OPCML: variants seen among roughly 807,000 people sequenced by gnomAD.
OPCML encodes opioid-binding protein/cell adhesion molecule.
In OPCML, 13 loss-of-function variants were observed where a neutral mutation model predicts 37.8. That is an observed-to-expected ratio of 0.34 (90% CI 0.22 to 0.55). OPCML has a LOEUF of 0.55. Among genes scored for constraint, OPCML ranks in the 20% least tolerant of loss-of-function variants. OPCML has a pLI of 0.91. For synonymous variants in OPCML, 176 were observed against 168.8 expected (o/e 1.04, Z -0.33); for missense variants, 341 against 435.6 (o/e 0.78, Z 1.93).
At chr11:132,541,624 C>T (rs573512284) in intron 3 of OPCML, among the ~76,000 whole-genome samples, 1 of 151,894 alleles carries the variant, frequency 6.6e-6, no homozygotes, top group Non-Finnish European at 1.5e-5. Flanking sequence ...TTATGGAAAC[C>T]CTACATGGCA....
chr11:133,127,469 CA>C, intron 1 of OPCML, among the ~76,000 whole-genome samples: 1 of 151,696 alleles, frequency 6.6e-6, no homozygotes. Flanking sequence ...CCTGTCTCTA[CA>C]AAAAATACAA....
intron 1 of OPCML, among the ~76,000 whole-genome samples, chr11:133,169,832 T>C (rs886503237): frequency 2.6e-5 from 4 of 152,164 alleles, no homozygotes; most frequent in African/African-American, 9.6e-5. Context: ...TATATGTAAT[T>C]TGGGAAAAAA....
At chr11:133,332,964 C>A (rs1943654297) in intron 1 of OPCML, among the ~76,000 whole-genome samples, 1 of 152,152 alleles carries the variant, frequency 6.6e-6, no homozygotes, top group Non-Finnish European at 1.5e-5. Flanking sequence ...AACAGGCACA[C>A]AGACCAATGG....
chr11:132,960,751 C>T (rs889438666), intron 1 of OPCML, among the ~76,000 whole-genome samples: 7 of 152,240 alleles, frequency 4.6e-5, no homozygotes, highest in Admixed American at 2.6e-4. Context: ...CACCCTTTGG[C>T]AATGTGCGCA....
At chr11:133,517,073 T>G (rs1948294857) in intron 1 of OPCML, among the ~76,000 whole-genome samples, 1 of 152,198 alleles carries the variant, frequency 6.6e-6, no homozygotes, top group Non-Finnish European at 1.5e-5. Flanking sequence ...CCAAGAATGA[T>G]TTGACATTTC....
chr11:133,449,624 G>A (rs1268673111), intron 1 of OPCML, among the ~76,000 whole-genome samples: 4 of 148,128 alleles, frequency 2.7e-5, no homozygotes, highest in East Asian at 1.9e-4. Flanking sequence ...ACATTCCTTC[G>A]CTTGTAGCGG....
chr11:132,512,508 G>C (rs1397585998), intron 4 of OPCML, among the ~76,000 whole-genome samples: 1 of 151,880 alleles, frequency 6.6e-6, no homozygotes, highest in Non-Finnish European at 1.5e-5. Context: ...TCATATAATA[G>C]AATGCCACTT....
chr11:133,530,099 T>C (rs903535927), intron 1 of OPCML, among the ~76,000 whole-genome samples: 8 of 151,496 alleles, frequency 5.3e-5, no homozygotes, highest in Admixed American at 4.6e-4. Flanking sequence ...GGCAGGGGGG[T>C]GGGGGGGATA....
chr11:132,564,769 C>T (rs2096418582), intron 3 of OPCML, among the ~76,000 whole-genome samples: 1 of 152,082 alleles, frequency 6.6e-6, no homozygotes, highest in African/African-American at 2.4e-5. Flanking sequence ...GTTTTATATG[C>T]TGTGTTAAAC....
At chr11:132,982,092 A>C (rs1946600815) in intron 1 of OPCML, among the ~76,000 whole-genome samples, 1 of 152,060 alleles carries the variant, frequency 6.6e-6, no homozygotes, top group African/African-American at 2.4e-5. Context: ...AGCTTTTTAC[A>C]TCTGCTCTAC....
At chr11:133,363,581 T>C (rs1944469898) in intron 1 of OPCML, among the ~76,000 whole-genome samples, 1 of 152,224 alleles carries the variant, frequency 6.6e-6, no homozygotes, top group Non-Finnish European at 1.5e-5. Flanking sequence ...TTCAAGATGC[T>C]GTCGGGTTGG....
At position 133,222,408 on chromosome 11, in the gene OPCML, A is replaced by G. The variant is rs57625026; in HGVS notation, c.62-279398T>C. Among the ~76,000 whole-genome samples, 895 of 152,254 alleles carry G rather than the reference A, an allele frequency of 5.9e-3. 13 individuals carry two copies. Among genetic ancestry groups the G allele is most frequent in the African/African-American group, 0.02 (836 of 41,556 alleles). On this transcript the variant is annotated intron_variant, in intron 1 of 7. Coordinates refer to ENST00000524381, the MANE Select transcript of OPCML (RefSeq NM_001012393.5). Reference sequence around the variant, plus strand: ...GGCTTGGGGTCTGTTTTAAAGGCAAAGCCAACAGGACGAGCTGAGGAAGGG... The same window carrying G: ...GGCTTGGGGTCTGTTTTAAAGGCAAGGCCAACAGGACGAGCTGAGGAAGGG...
At chr11:133,188,640 C>T (rs1042317926) in intron 1 of OPCML, among the ~76,000 whole-genome samples, 1 of 152,098 alleles carries the variant, frequency 6.6e-6, no homozygotes, top group Non-Finnish European at 1.5e-5. Flanking sequence ...TGTATGAAAA[C>T]ATTTGTTAAA....
chr11:132,758,509 C>T (rs1006886825), intron 2 of OPCML, among the ~76,000 whole-genome samples: 1 of 152,044 alleles, frequency 6.6e-6, no homozygotes, highest in African/African-American at 2.4e-5. Flanking sequence ...TTGAAGAAGT[C>T]CTTCATATCC....
intron 4 of OPCML, among the ~76,000 whole-genome samples, chr11:132,442,473 A>G (rs2136785267): frequency 6.6e-6 from 1 of 152,324 alleles, no homozygotes; most frequent in African/African-American, 2.4e-5. Flanking sequence ...ATAAAGTTAA[A>G]AGAACCATGA....
intron 1 of OPCML, among the ~76,000 whole-genome samples, chr11:133,137,049 G>A (rs886077227): frequency 6.6e-6 from 1 of 152,128 alleles, no homozygotes; most frequent in Non-Finnish European, 1.5e-5. Flanking sequence ...AGGCCAAAAG[G>A]ACCATTAACG....
chr11:133,286,059 AG>A (rs145110361), intron 1 of OPCML, among the ~76,000 whole-genome samples: 2,808 of 152,294 alleles, frequency 0.018, 81 homozygotes, highest in African/African-American at 0.057. Flanking sequence ...GAGACAAGTC[AG>A]GGTGTTCAAG....
Position 133,218,088 on chromosome 11 carries a change from AC to A in OPCML, c.62-275079del, listed in dbSNP as rs530702796. ...CAAACAAAAAAAGAAGTCTTGCTGAACCTGCTTCACGCCGGGGTTTTGTGTA... is the reference window on the plus strand; with the variant it reads ...CAAACAAAAAAAGAAGTCTTGCTGAACTGCTTCACGCCGGGGTTTTGTGTA... On this transcript the variant is annotated intron_variant, in intron 1 of 7. Coordinates refer to ENST00000524381, the MANE Select transcript of OPCML (RefSeq NM_001012393.5). Among the ~76,000 whole-genome samples the A allele has an allele frequency of 2.2e-4, 33 of 151,838 alleles. 1 individual carries two copies. In the East Asian group the frequency reaches 5.4e-3, roughly 25 times the overall value.
intron 1 of OPCML, among the ~76,000 whole-genome samples, chr11:133,134,684 T>C (rs1404785996): frequency 6.6e-6 from 1 of 152,180 alleles, no homozygotes; most frequent in African/African-American, 2.4e-5. Context: ...AAGGGAACTC[T>C]TGCGTGAACC....
Sources: allele counts gnomAD v4.1 joint callset (sites outside exome capture counted in the v4.1 genomes callset), GRCh38; gene constraint gnomAD v4.1.1; transcripts MANE v1.5; gene names NCBI Gene and HGNC (gene_info 2026-07-23, HGNC 2026-07-21).